The following NMNAT1 variants were observed in gnomAD, a reference collection of about 807,000 sequenced individuals.
NMNAT1 encodes the protein nicotinamide/nicotinic acid mononucleotide adenylyltransferase 1.
Under a neutral mutation model 16.7 loss-of-function variants are expected in NMNAT1, and 11 were observed. The observed-to-expected ratio is 0.66, with a 90% CI of 0.41 to 1.09. The LOEUF is 1.09. NMNAT1 is among the 50% of genes least tolerant of loss of function. NMNAT1 has a pLI of 0.00. For synonymous variants in NMNAT1, 110 were observed against 119.8 expected (o/e 0.92, Z 0.53); for missense variants, 280 against 332.3 (o/e 0.84, Z 1.22).
the NMNAT1 span, among the ~76,000 whole-genome samples, chr1:9,993,144 G>GT: frequency 6.6e-6 from 1 of 152,078 alleles, no homozygotes; most frequent in African/African-American, 2.4e-5. Flanking sequence ...GAAGGACTTT[G>GT]TGAACCTAAC....
the NMNAT1 span, among the ~76,000 whole-genome samples, chr1:9,995,751 G>A: frequency 8.6e-5 from 13 of 152,008 alleles, no homozygotes; most frequent in African/African-American, 1.2e-4. Context: ...TAAATACCGC[G>A]GGTGCGGTGG....
At chr1:9,996,323 A>AG in the NMNAT1 span, among the ~76,000 whole-genome samples, 4 of 149,520 alleles carry the variant, frequency 2.7e-5, no homozygotes, top group East Asian at 5.8e-4. Flanking sequence ...AAAAAAAAAA[A>AG]AAAGAAAAAA....
intron 3 of NMNAT1, among the ~76,000 whole-genome samples, chr1:9,980,200 G>A (rs968624618): frequency 3.9e-5 from 6 of 151,904 alleles, no homozygotes; most frequent in South Asian, 2.1e-4. Context: ...CCAAAGTGCT[G>A]GGATTACAGG....
At chr1:9,964,582 T>C in intron 1 of NMNAT1, among the ~76,000 whole-genome samples, 1 of 151,992 alleles carries the variant, frequency 6.6e-6, no homozygotes, top group East Asian at 1.9e-4. Flanking sequence ...ACTTTTGTTT[T>C]TGTAAACCAA....
At chr1:9,966,728 G>A (rs1641553211) in intron 1 of NMNAT1, among the ~76,000 whole-genome samples, 1 of 152,104 alleles carries the variant, frequency 6.6e-6, no homozygotes, top group South Asian at 2.1e-4. Context: ...AAAAGGTTCT[G>A]TACAATGAAT....
intron 3 of NMNAT1, among the ~76,000 whole-genome samples, chr1:9,976,418 C>T (rs184591016): frequency 1.3e-5 from 2 of 152,000 alleles, no homozygotes; most frequent in Non-Finnish European, 2.9e-5. Context: ...ATGTTATTAT[C>T]ATCAGTCTTC....
At chr1:9,954,566 C>G (rs768957298) in intron 1 of NMNAT1, among the ~76,000 whole-genome samples, 30 of 152,108 alleles carry the variant, frequency 2.0e-4, no homozygotes, top group Non-Finnish European at 1.0e-4. Context: ...GCAGAATCAT[C>G]TCTTGATCAA....
chr1:9,948,243 G>A (rs907693260), intron 1 of NMNAT1, among the ~76,000 whole-genome samples: 2 of 152,068 alleles, frequency 1.3e-5, no homozygotes, highest in Non-Finnish European at 2.9e-5. Context: ...TACTGAATAC[G>A]TTCTTCTTGC....
intron 4 of NMNAT1, 61 bp from the exon 5 acceptor site, chr1:9,982,240 A>T: frequency 1.3e-6 from 2 of 1,524,624 alleles, no homozygotes; most frequent in East Asian, 2.3e-5. Context: ...ACCCCTTTCC[A>T]CTTGGAGGAG....
intron 3 of NMNAT1, among the ~76,000 whole-genome samples, chr1:9,979,694 C>T (rs1006000768): frequency 1.3e-5 from 2 of 149,914 alleles, no homozygotes; most frequent in African/African-American, 2.5e-5. Context: ...CCCAGCTACT[C>T]GGGAGGCTGA....
At chr1:9,955,474 G>T (rs144766093) in intron 1 of NMNAT1, among the ~76,000 whole-genome samples, 52 of 150,088 alleles carry the variant, frequency 3.5e-4, no homozygotes, top group African/African-American at 1.3e-3. Context: ...GTGTGGTGGC[G>T]CATGCCTGTA....
chr1:9,952,335 A>T (rs190242214), intron 1 of NMNAT1: 1 of 152,036 alleles, frequency 6.6e-6, no homozygotes, highest in Admixed American at 6.6e-5. Context: ...GTTTAAAAAC[A>T]TACACAGTCT....
At chr1:9,967,670 T>TAA (rs35138168) in intron 1 of NMNAT1, among the ~76,000 whole-genome samples, 1 of 150,118 alleles carries the variant, frequency 6.7e-6, no homozygotes, top group Non-Finnish European at 1.5e-5. Flanking sequence ...TTTTGTTGAT[T>TAA]AAAAAAAAAA....
intron 1 of NMNAT1, among the ~76,000 whole-genome samples, chr1:9,946,184 T>C (rs1640977166): frequency 6.6e-6 from 1 of 152,240 alleles, no homozygotes; most frequent in African/African-American, 2.4e-5. Flanking sequence ...AGCAGTTCTA[T>C]GCTAAGGGTT....
chr1:9,978,987 T>C (rs1203535121), intron 3 of NMNAT1, among the ~76,000 whole-genome samples: 1 of 152,200 alleles, frequency 6.6e-6, no homozygotes, highest in African/African-American at 2.4e-5. Context: ...ACCAGACTGC[T>C]GGGGTTCAAG....
chr1:9,956,826 G>T (rs1641274053), intron 1 of NMNAT1, among the ~76,000 whole-genome samples: 3 of 150,888 alleles, frequency 2.0e-5, no homozygotes, highest in Admixed American at 6.6e-5. Flanking sequence ...CCACCTCCGA[G>T]GTTCAAGCGA....
chr1:9,945,254 C>G (rs949275793), intron 1 of NMNAT1, among the ~76,000 whole-genome samples: 4 of 151,610 alleles, frequency 2.6e-5, no homozygotes, highest in Non-Finnish European at 5.9e-5. Context: ...CAAAACAAAA[C>G]AAAAGAAGAA....
chr1:9,994,536 T>G, the NMNAT1 span, among the ~76,000 whole-genome samples: 2 of 152,086 alleles, frequency 1.3e-5, no homozygotes, highest in Admixed American at 6.6e-5. Flanking sequence ...GTTCAAGCGA[T>G]TCTCCTGCCT....
chr1:9,980,904 C>G (rs1040855891), intron 3 of NMNAT1, 127 bp from the exon 4 acceptor site: 32 of 966,608 alleles, frequency 3.3e-5, no homozygotes, highest in Non-Finnish European at 4.5e-5. Context: ...GATCCGCCCA[C>G]CTCGGCCTCC....
Sources: gnomAD v4.1 joint callset for allele counts (sites outside exome capture counted in the v4.1 genomes callset) on GRCh38, gnomAD v4.1.1 for gene constraint, MANE v1.5 for transcripts, NCBI Gene and HGNC (gene_info 2026-07-23, HGNC 2026-07-21) for gene names.